The following XRCC4 variants were observed in gnomAD, a reference collection of about 807,000 sequenced individuals.
XRCC4 encodes the protein X-ray repair cross complementing 4, also known as DNA repair protein XRCC4.
A neutral mutation model predicts 39.1 loss-of-function variants in XRCC4; 28 were observed. The ratio of observed to expected loss-of-function variants is 0.72; its 90% CI spans 0.53 to 0.98. The LOEUF (loss-of-function observed/expected upper bound fraction) is 0.98, where lower values mean the gene tolerates loss of function less well. Among genes scored for constraint, XRCC4 ranks in the 50% least tolerant of loss-of-function variants. The pLI is 0.00. For missense variants in XRCC4, 350 were observed against 376.4 expected (o/e 0.93, Z 0.58); for synonymous variants, 123 against 126.4 (o/e 0.97, Z 0.18).
intron 7 of XRCC4, among the ~76,000 whole-genome samples, chr5:83,332,185 C>T (rs12520831): frequency 1.3e-5 from 2 of 149,604 alleles, no homozygotes; most frequent in African/African-American, 4.9e-5. Flanking sequence ...TTGAAAAATC[C>T]TAAGCTTAAA....
rs75740303 is a variant in XRCC4, at chr5:83,080,726, C to T, written c.-11+3111C>T. 1.2e-3 allele frequency among the ~76,000 whole-genome samples: 180 copies of T among 152,120 alleles called. 1 individual carries two copies. The highest frequency in any genetic ancestry group is 3.6e-3 in the African/African-American group (151 of 41,506). ...GATTGATGGAGGTGGTATCACAGTG[C>T]GTGTGTTCTAGGAATACTTATTTTA... On this transcript the variant is annotated intron_variant, in intron 1 of 7. Coordinates refer to ENST00000396027, the MANE Select transcript of XRCC4 (RefSeq NM_003401.5).
At chr5:83,255,207 G>A (rs1419750967) in intron 6 of XRCC4, among the ~76,000 whole-genome samples, 2 of 152,134 alleles carry the variant, frequency 1.3e-5, no homozygotes, top group African/African-American at 2.4e-5. Context: ...GAGAGAGAAG[G>A]ATAGAATGGA....
chr5:83,239,757 A>G (rs929512501), intron 6 of XRCC4, among the ~76,000 whole-genome samples: 2 of 151,946 alleles, frequency 1.3e-5, no homozygotes, highest in African/African-American at 4.8e-5. Flanking sequence ...TGAACCCAGG[A>G]GGCGGAGCTT....
intron 7 of XRCC4, among the ~76,000 whole-genome samples, chr5:83,320,777 A>G (rs908773134): frequency 2.6e-5 from 4 of 151,678 alleles, no homozygotes; most frequent in Non-Finnish European, 4.4e-5. Flanking sequence ...TTTTTTAGCA[A>G]TAAACATTTT....
At chr5:83,374,375 G>A in the XRCC4 span, among the ~76,000 whole-genome samples, 12 of 152,122 alleles carry the variant, frequency 7.9e-5, no homozygotes, top group African/African-American at 1.7e-4. Context: ...CTTGTTTACC[G>A]CCAGGTGAGA....
At chr5:83,269,175 A>G (rs553726818) in intron 7 of XRCC4, among the ~76,000 whole-genome samples, 13 of 152,202 alleles carry the variant, frequency 8.5e-5, no homozygotes, top group African/African-American at 2.9e-4. Context: ...AGGAAAACAA[A>G]CCCATCATAG....
At chr5:83,146,023 A>G (rs1158355036) in intron 3 of XRCC4, among the ~76,000 whole-genome samples, 1 of 152,166 alleles carries the variant, frequency 6.6e-6, no homozygotes, top group African/African-American at 2.4e-5. Flanking sequence ...TATTTCAACA[A>G]AAGTATGTTT....
chr5:83,083,705 C>G (rs1745061699), intron 1 of XRCC4, among the ~76,000 whole-genome samples: 1 of 152,110 alleles, frequency 6.6e-6, no homozygotes, highest in South Asian at 2.1e-4. Flanking sequence ...GACCATGAAC[C>G]TGTAATTTTT....
In XRCC4 at chr5:83,298,660, T is replaced by A. The variant is rs182240363; in HGVS notation, c.893+39983T>A. Among the ~76,000 whole-genome samples the A allele has an allele frequency of 1.9e-3, 282 of 152,066 alleles. 5 individuals carry two copies. Among genetic ancestry groups the A allele is most frequent in the Non-Finnish European group, 4.3e-4 (29 of 67,848 alleles). ...ATAGTACATTAAATGGATTTTTTTT[T>A]AATCTCATCTAGTAGTTTTTATCTT... On this transcript the variant is annotated intron_variant, in intron 7 of 7. Coordinates refer to ENST00000396027, the MANE Select transcript of XRCC4 (RefSeq NM_003401.5).
At chr5:83,265,225 T>A (rs974624437) in intron 7 of XRCC4, among the ~76,000 whole-genome samples, 1 of 152,176 alleles carries the variant, frequency 6.6e-6, no homozygotes, top group African/African-American at 2.4e-5. Flanking sequence ...TTTGTAGATT[T>A]TTGGTACCTG....
intron 6 of XRCC4, among the ~76,000 whole-genome samples, chr5:83,255,076 A>G (rs2112885957): frequency 6.6e-6 from 1 of 151,534 alleles, no homozygotes; most frequent in South Asian, 2.1e-4. Flanking sequence ...AACAAGAGCA[A>G]AATTCCGTCT....
intron 1 of XRCC4, among the ~76,000 whole-genome samples, chr5:83,078,997 T>C (rs988358315): frequency 6.6e-6 from 1 of 152,248 alleles, no homozygotes; most frequent in Non-Finnish European, 1.5e-5. Flanking sequence ...GCAGTAAATG[T>C]GTCTGTAGAC....
At chr5:83,266,334 TGTAAAGTAA>T (rs1753952823) in intron 7 of XRCC4, among the ~76,000 whole-genome samples, 1 of 150,072 alleles carries the variant, frequency 6.7e-6, no homozygotes, top group South Asian at 2.1e-4. Context: ...TGTTACTCAA[TGTAAAGTAA>T]GTATTTGGTC....
intron 7 of XRCC4, among the ~76,000 whole-genome samples, chr5:83,314,476 T>C (rs1176511168): frequency 2.6e-5 from 4 of 152,176 alleles, no homozygotes; most frequent in African/African-American, 9.7e-5. Context: ...ATAGGCAGTG[T>C]TATTTAATAC....
chr5:83,226,548 A>G (rs1752298111), intron 6 of XRCC4, among the ~76,000 whole-genome samples: 1 of 152,018 alleles, frequency 6.6e-6, no homozygotes, highest in Admixed American at 6.6e-5. Flanking sequence ...TAGTTGGTGA[A>G]TTTAAAGCCA....
intron 7 of XRCC4, among the ~76,000 whole-genome samples, chr5:83,281,675 C>A (rs1214175868): frequency 1.3e-5 from 2 of 152,052 alleles, no homozygotes; most frequent in Admixed American, 6.5e-5. Flanking sequence ...AAAGTTTTAC[C>A]CCCTTATGTA....
At chr5:83,250,723 G>C (rs1473103796) in intron 6 of XRCC4, among the ~76,000 whole-genome samples, 1 of 152,176 alleles carries the variant, frequency 6.6e-6, no homozygotes, top group East Asian at 1.9e-4. Context: ...CTCAGCGTGA[G>C]CTAGCCCTTT....
chr5:83,148,803 A>G (rs1580293420), intron 3 of XRCC4, among the ~76,000 whole-genome samples: 1 of 152,110 alleles, frequency 6.6e-6, no homozygotes, highest in Admixed American at 6.5e-5. Context: ...GACATCAATA[A>G]TGATAATAAT....
intron 6 of XRCC4, among the ~76,000 whole-genome samples, chr5:83,225,210 T>A (rs1254627991): frequency 6.6e-6 from 1 of 152,142 alleles, no homozygotes; most frequent in African/African-American, 2.4e-5. Flanking sequence ...GCTTATTATG[T>A]GCCTTGTCTG....
Sources: allele counts gnomAD v4.1 joint callset (sites outside exome capture counted in the v4.1 genomes callset), GRCh38; gene constraint gnomAD v4.1.1; transcripts MANE v1.5; gene names NCBI Gene and HGNC (gene_info 2026-07-23, HGNC 2026-07-21).